SLIT1: variants seen among roughly 807,000 people sequenced by gnomAD.
SLIT1 encodes the protein slit homolog 1 protein.
SLIT1 carries 66 observed loss-of-function variants against 186.1 expected under a neutral mutation model. The ratio of observed to expected loss-of-function variants is 0.35; its 90% CI spans 0.29 to 0.44. The LOEUF (loss-of-function observed/expected upper bound fraction) is 0.44. Ranked by LOEUF, SLIT1 falls within the 20% of genes least tolerant of loss-of-function variation. The probability of loss-of-function intolerance (pLI) is 1.00; values close to 1 mark genes in which losing one functional copy is unlikely to be tolerated. For synonymous variants in SLIT1, 761 were observed against 833.8 expected (o/e 0.91, Z 1.50); for missense variants, 1,638 against 2,037.4 (o/e 0.80, Z 3.77).
intron 1 of SLIT1, among the ~76,000 whole-genome samples, chr10:97,173,010 T>A (rs1850210724): frequency 1.3e-5 from 2 of 151,860 alleles, no homozygotes; most frequent in Admixed American, 1.3e-4. Flanking sequence ...CAAATGGACA[T>A]CACCCCAAAA....
chr10:97,034,159 C>T (rs1848617102), intron 23 of SLIT1, among the ~76,000 whole-genome samples: 1 of 152,248 alleles, frequency 6.6e-6, no homozygotes, highest in African/African-American at 2.4e-5. Flanking sequence ...GCCACTGCGC[C>T]TGGCCGAGTG....
At chr10:97,087,008 G>T (rs1849167073) in intron 4 of SLIT1, among the ~76,000 whole-genome samples, 1 of 152,028 alleles carries the variant, frequency 6.6e-6, no homozygotes, top group Non-Finnish European at 1.5e-5. Context: ...TGAGGGAATG[G>T]GGATGGGGTA....
At chr10:97,053,227 G>A (rs1478875596) in intron 13 of SLIT1, among the ~76,000 whole-genome samples, 1 of 152,202 alleles carries the variant, frequency 6.6e-6, no homozygotes, top group East Asian at 1.9e-4. Flanking sequence ...AGGTTTTCCT[G>A]TGTGTGAGTC....
intron 4 of SLIT1, among the ~76,000 whole-genome samples, chr10:97,076,824 A>G (rs1740655713): frequency 6.6e-6 from 1 of 152,186 alleles, no homozygotes; most frequent in African/African-American, 2.4e-5. Context: ...CAGAAGTTCA[A>G]GCTCAGGTAG....
chr10:97,045,722 GCAA>G (rs1848728295), intron 18 of SLIT1, among the ~76,000 whole-genome samples: 1 of 152,172 alleles, frequency 6.6e-6, no homozygotes, highest in Non-Finnish European at 1.5e-5. Context: ...ACAGCAAGCT[GCAA>G]AACATAGTGC....
chr10:97,125,112 T>G (rs1372222010), intron 4 of SLIT1, among the ~76,000 whole-genome samples: 1 of 152,216 alleles, frequency 6.6e-6, no homozygotes, highest in Non-Finnish European at 1.5e-5. Context: ...TCTTGTATAC[T>G]GTGAAGATGG....
intron 22 of SLIT1, among the ~76,000 whole-genome samples, chr10:97,036,256 G>A (rs904070178): frequency 3.3e-5 from 5 of 152,110 alleles, no homozygotes; most frequent in Admixed American, 6.5e-5. Flanking sequence ...ACACTTTGTG[G>A]TCCTCCCCTG....
At chr10:97,086,611 C>T (rs565697759) in intron 4 of SLIT1, among the ~76,000 whole-genome samples, 2 of 152,040 alleles carry the variant, frequency 1.3e-5, no homozygotes, top group African/African-American at 4.8e-5. Flanking sequence ...AAAGGACTAT[C>T]AAGTCAAACT....
chr10:97,096,005 C>T lies in SLIT1; in HGVS notation c.414-29919G>A, dbSNP rs200831933. Among the ~76,000 whole-genome samples the T allele has an allele frequency of 1.2e-4, 19 of 152,246 alleles. No homozygotes were observed. In the East Asian group the frequency reaches 2.9e-3, roughly 23 times the overall value. On this transcript the variant is annotated intron_variant, in intron 4 of 36. Transcript: ENST00000266058. Reference sequence around the variant, plus strand: ...GAGTTGAGAGGTGCAAGGTCCCTCCCGGATCTCACCTGGGGCTGTGCTTCC... The same window carrying T: ...GAGTTGAGAGGTGCAAGGTCCCTCCTGGATCTCACCTGGGGCTGTGCTTCC...
At chr10:97,142,533 G>C (rs1849776734) in intron 4 of SLIT1, among the ~76,000 whole-genome samples, 1 of 152,162 alleles carries the variant, frequency 6.6e-6, no homozygotes, top group East Asian at 1.9e-4. Flanking sequence ...GAAAACATAA[G>C]GGGAAAGCTT....
Position 97,060,155 on chromosome 10 carries a change from G to C in SLIT1, c.945C>G (p.Arg315=). The C allele has an allele frequency of 6.2e-7, 1 of 1,613,976 alleles. No homozygotes were observed. The highest frequency in any genetic ancestry group is 1.1e-5 in the South Asian group (1 of 91,084). ...TGGACTTGATGCCGTTCAGCTCCAGGCGTCTGCGGGGAGAAAAGAGAGGGG... is the reference window on the plus strand; with the variant it reads ...TGGACTTGATGCCGTTCAGCTCCAGCCGTCTGCGGGGAGAAAAGAGAGGGG... ...ANLPETMTEI[R]LELNGIKSIP... is the part of the protein sequence containing the mutation. The change falls in exon 10 of 37, where the codon CGC becomes CGG. Residue 315 remains arginine, a synonymous_variant. Transcript: ENST00000266058.
In SLIT1 at chr10:97,022,090, C is replaced by A. The variant is rs1436182577; in HGVS notation, c.2583-677G>T. Among the ~76,000 whole-genome samples, 2 of 152,178 alleles carry A rather than the reference C, an allele frequency of 1.3e-5. No homozygotes were observed. Among genetic ancestry groups the A allele is most frequent in the Admixed American group, 1.3e-4 (2 of 15,276 alleles). ...AGAAAGCAACCCACATCGACTGCTG[C>A]AATGAGACAGCTGCTTTTCCTGTGT... On this transcript the variant is annotated intron_variant, in intron 25 of 36. Coordinates refer to ENST00000266058, the MANE Select transcript of SLIT1 (RefSeq NM_003061.3). The surrounding 1 kb of genome is among the most constrained non-coding windows in gnomAD (Gnocchi z 4.2).
rs34001660 is a variant in SLIT1, at chr10:97,084,924, C to CTTTT, written c.414-18842_414-18839dup. Among the ~76,000 whole-genome samples the CTTTT allele has an allele frequency of 3.0e-4, 38 of 126,160 alleles. 1 individual carries two copies. The highest frequency in any genetic ancestry group is 4.8e-4 in the Non-Finnish European group (30 of 61,950). The allele number at this position is 126,160 out of a possible 152,430, so 82.8% of individuals were successfully genotyped here. On this transcript the variant is annotated intron_variant, in intron 4 of 36. Coordinates refer to ENST00000266058, the MANE Select transcript of SLIT1 (RefSeq NM_003061.3). ...ACCCGGCCACTGTTACTTTTCTTTC[C>CTTTT]TTTTTTTTTTTTTTTTTGAAACAGA...
In SLIT1 at chr10:97,163,433, C is replaced by A; in HGVS notation, c.288G>T (p.Gln96His). The change falls in exon 3 of 37, where the codon CAG (glutamine) becomes CAT (histidine). Residue 96 changes from glutamine (Q) to histidine (H), a missense_variant. Coordinates refer to ENST00000266058, the MANE Select transcript of SLIT1 (RefSeq NM_003061.3). ...AAGCACCACGTTCCACTGCTCCAATCTGGTTCTCCATCAGCTGCCTGGGGA... is the reference window on the plus strand; with the variant it reads ...AAGCACCACGTTCCACTGCTCCAATATGGTTCTCCATCAGCTGCCTGGGGA... ...QLRVLQLMEN[Q>H]IGAVERGAFD... 2 of 1,614,254 alleles carry A rather than the reference C, an allele frequency of 1.2e-6. No homozygotes were observed. Among genetic ancestry groups the A allele is most frequent in the Non-Finnish European group, 1.7e-6 (2 of 1,180,026 alleles).
At chr10:97,084,494 A>C (rs910054655) in intron 4 of SLIT1, among the ~76,000 whole-genome samples, 2 of 152,222 alleles carry the variant, frequency 1.3e-5, no homozygotes, top group Admixed American at 6.5e-5. Context: ...ATATCTGTAA[A>C]ATGGGAGAAA....
In SLIT1 at chr10:97,096,198, A is replaced by G. The variant is rs532397661; in HGVS notation, c.414-30112T>C. Among the ~76,000 whole-genome samples the G allele has an allele frequency of 2.6e-5, 4 of 152,342 alleles. No homozygotes were observed. The East Asian group carries it at 7.7e-4, about 29-fold the overall frequency. On this transcript the variant is annotated intron_variant, in intron 4 of 36. Transcript: ENST00000266058. ...AGCTGCGGCCCGAGCTTAGGGACCC[A>G]GACCACTGCCTTCTGCTTTTTCCTT... is the stretch of plus-strand genomic sequence containing the variant.
At chr10:97,012,562 A>G (rs1431149101) in intron 30 of SLIT1, among the ~76,000 whole-genome samples, 2 of 152,192 alleles carry the variant, frequency 1.3e-5, no homozygotes, top group Non-Finnish European at 2.9e-5. Flanking sequence ...CAGGCTGGAC[A>G]ACGTGCAGTC....
At chr10:97,064,293 G>A (rs1052551926) in intron 6 of SLIT1, 54 bp from the exon 7 acceptor site, 1 of 1,456,898 alleles carries the variant, frequency 6.9e-7, no homozygotes, top group Non-Finnish European at 9.6e-7. Context: ...AGATGATGTG[G>A]GACAGGGCCG....
chr10:97,116,256 AAGAG>A (rs1266406335), intron 4 of SLIT1, among the ~76,000 whole-genome samples: 4 of 152,090 alleles, frequency 2.6e-5, no homozygotes, highest in Middle Eastern at 3.2e-3. Flanking sequence ...AAAGAGAAGG[AAGAG>A]AGAGAGAAAT....
Sources: gnomAD v4.1 joint callset for allele counts (sites outside exome capture counted in the v4.1 genomes callset) on GRCh38, gnomAD v4.1.1 for gene constraint, Gnocchi (gnomAD v3.1) non-coding constraint, MANE v1.5 for transcripts, NCBI Gene and HGNC (gene_info 2026-07-23, HGNC 2026-07-21) for gene names.